Variants in CHMP4C observed in about 807,000 individuals in gnomAD.
The protein encoded by CHMP4C is charged multivesicular body protein 4C.
A neutral mutation model predicts 29.0 loss-of-function variants in CHMP4C; 28 were observed. The ratio of observed to expected loss-of-function variants is 0.97; its 90% CI spans 0.72 to 1.32. CHMP4C has a LOEUF of 1.32. Ranked by LOEUF, CHMP4C falls within the 40% of genes most tolerant of loss-of-function variation. The pLI is 0.00. For synonymous variants in CHMP4C, 106 were observed against 102.4 expected, an observed-to-expected ratio of 1.04 and a Z score of -0.21; for missense variants, 291 against 281.0, an observed-to-expected ratio of 1.04 and a Z score of -0.25.
At chr8:81,748,924 T>TAA (rs34505643) in intron 1 of CHMP4C, among the ~76,000 whole-genome samples, 4,824 of 120,210 alleles carry the variant, frequency 0.04, 129 homozygotes, top group Middle Eastern at 0.056. Flanking sequence ...AGACTCTGTG[T>TAA]AAAAAAAAAA....
chr8:81,745,353 A>C (rs910554858), intron 1 of CHMP4C, among the ~76,000 whole-genome samples: 4 of 152,176 alleles, frequency 2.6e-5, no homozygotes, highest in African/African-American at 9.7e-5. Context: ...TCACCTTTCA[A>C]AAACAGGTTT....
chr8:81,739,421 G>GGGGGT (rs1554592459), intron 1 of CHMP4C, among the ~76,000 whole-genome samples: 10 of 140,834 alleles, frequency 7.1e-5, no homozygotes, highest in Admixed American at 1.4e-4. Flanking sequence ...GGGATTGTGG[G>GGGGGT]GGGGGGTGGA....
chr8:81,736,665 A>G (rs1373906584), intron 1 of CHMP4C, among the ~76,000 whole-genome samples: 1 of 152,066 alleles, frequency 6.6e-6, no homozygotes, highest in Non-Finnish European at 1.5e-5. Context: ...GCGCACCTCT[A>G]ATAGGGCACA....
At position 81,755,326 on chromosome 8, in the gene CHMP4C, A is replaced by G. The variant is rs747921871; in HGVS notation, c.369-44A>G. ...TAGGATTATATCTAAATTCATAATT[A>G]TAAGTTAAAATTCTAAAATGTTCAA... On this transcript the variant is annotated intron_variant, in intron 2 of 4. Transcript: ENST00000297265. 1.5e-5 allele frequency: 16 copies of G among 1,072,586 alleles called. No homozygotes were observed. The South Asian group carries it at 2.6e-4, about 17-fold the overall frequency. The allele number at this position is 1,072,586 out of a possible 1,614,324, so 66.4% of individuals were successfully genotyped here. A position where few individuals can be genotyped will look rare whatever the true frequency, so the allele number is the denominator to read the frequency against.
At position 81,732,596 on chromosome 8, in the gene CHMP4C, C is replaced by G; in HGVS notation, c.-31C>G. On this transcript the variant is annotated 5_prime_UTR_variant, in exon 1 of 5. Transcript: ENST00000297265. Reference sequence around the variant, plus strand: ...CCCCGGGGAGCTCCCGAGAGGCCCCCGGGATCGCTGGCCCTCCGAACTCCA... The same window carrying G: ...CCCCGGGGAGCTCCCGAGAGGCCCCGGGGATCGCTGGCCCTCCGAACTCCA... 6.6e-7 allele frequency: 1 copy of G among 1,507,038 alleles called. No individual in the cohort carries two copies. The highest frequency in any genetic ancestry group is 1.4e-5 in the African/African-American group (1 of 71,376). 93.4% of individuals were successfully genotyped at this position (1,507,038 alleles called of 1,614,324 possible).
chr8:81,749,856 T>C (rs1468113980), intron 1 of CHMP4C, among the ~76,000 whole-genome samples: 1 of 152,162 alleles, frequency 6.6e-6, no homozygotes, highest in Non-Finnish European at 1.5e-5. Context: ...GATGAGGAAC[T>C]TGTTGGATAT....
chr8:81,739,425 G>GGCGGA (rs1203850438), intron 1 of CHMP4C, among the ~76,000 whole-genome samples: 1 of 140,150 alleles, frequency 7.1e-6, no homozygotes, highest in South Asian at 2.4e-4. Flanking sequence ...TTGTGGGGGG[G>GGCGGA]GGTGGAAAAA....
chr8:81,745,735 A>G (rs11987442), intron 1 of CHMP4C, among the ~76,000 whole-genome samples: 18,240 of 152,176 alleles, frequency 0.12, 1,131 homozygotes, highest in East Asian at 0.24. Context: ...TCCAGTGCTG[A>G]AGGAACATCA....
chr8:81,736,342 G>A (rs955066346), intron 1 of CHMP4C, among the ~76,000 whole-genome samples: 5 of 146,854 alleles, frequency 3.4e-5, no homozygotes, highest in African/African-American at 7.6e-5. Flanking sequence ...TTTTTTTTTT[G>A]TATAGGTGAG....
At chr8:81,739,430 G>GGGGGGGA (rs1563618685) in intron 1 of CHMP4C, among the ~76,000 whole-genome samples, 2 of 118,810 alleles carry the variant, frequency 1.7e-5, no homozygotes, top group African/African-American at 6.2e-5. Context: ...GGGGGGGGTG[G>GGGGGGGA]AAAAAAAAAA....
At position 81,732,859 on chromosome 8, in the gene CHMP4C, T is replaced by C. The variant is rs1261240411; in HGVS notation, c.190+43T>C. 4.5e-6 allele frequency: 7 copies of C among 1,565,876 alleles called. No individual in the cohort carries two copies. The Admixed American group carries it at 1.1e-4, about 25-fold the overall frequency. ...CCACAGGCGGGAGCCCATCTGCCTC[T>C]AGCCTTTCCCTTGGGGACAATCGGC... On this transcript the variant is annotated intron_variant, in intron 1 of 4. Transcript: ENST00000297265.
At chr8:81,750,437 C>T (rs1296551218) in intron 1 of CHMP4C, among the ~76,000 whole-genome samples, 1 of 141,550 alleles carries the variant, frequency 7.1e-6, no homozygotes, top group African/African-American at 2.6e-5. Context: ...TCTGTCTCTA[C>T]AAAAAAATTA....
chr8:81,742,035 G>A (rs1434743639), intron 1 of CHMP4C, among the ~76,000 whole-genome samples: 1 of 152,190 alleles, frequency 6.6e-6, no homozygotes, highest in African/African-American at 2.4e-5. Context: ...GGAATTGCTT[G>A]TTGGAAAGAT....
intron 1 of CHMP4C, among the ~76,000 whole-genome samples, chr8:81,733,143 AT>A (rs1205695129): frequency 1.3e-5 from 2 of 152,124 alleles, no homozygotes; most frequent in African/African-American, 2.4e-5. Context: ...ATTGGTATTG[AT>A]TTTTTTCATT....
At chr8:81,752,110 G>C (rs1025826674) in intron 1 of CHMP4C, among the ~76,000 whole-genome samples, 1 of 152,026 alleles carries the variant, frequency 6.6e-6, no homozygotes, top group African/African-American at 2.4e-5. Context: ...AGAAATGGAC[G>C]AAAACAGTTA....
chr8:81,735,773 C>G (rs545281998), intron 1 of CHMP4C, among the ~76,000 whole-genome samples: 1 of 152,190 alleles, frequency 6.6e-6, no homozygotes, highest in African/African-American at 2.4e-5. Flanking sequence ...AAATGAAAAA[C>G]TTTTAATTAG....
intron 1 of CHMP4C, 54 bp downstream of exon 1, chr8:81,732,870 T>C (rs541663096): frequency 2.5e-5 from 39 of 1,533,226 alleles, no homozygotes. Context: ...AGCCTTTCCC[T>C]TGGGGACAAT....
chr8:81,734,659 A>G (rs574109994), intron 1 of CHMP4C, among the ~76,000 whole-genome samples: 9 of 152,308 alleles, frequency 5.9e-5, no homozygotes, highest in African/African-American at 2.2e-4. Flanking sequence ...TAAAAAATTG[A>G]CCATTTCCTT....
At chr8:81,757,873 G>A (rs1332559599) in intron 3 of CHMP4C, among the ~76,000 whole-genome samples, 1 of 152,158 alleles carries the variant, frequency 6.6e-6, no homozygotes, top group Non-Finnish European at 1.5e-5. Context: ...AGAAACTGTG[G>A]GGAGGTTATA....
Sources: allele counts gnomAD v4.1 joint callset (sites outside exome capture counted in the v4.1 genomes callset), GRCh38; gene constraint gnomAD v4.1.1; transcripts MANE v1.5; gene names NCBI Gene and HGNC (gene_info 2026-07-23, HGNC 2026-07-21).